The following EPB41L1 variants were observed in gnomAD, a reference collection of about 807,000 sequenced individuals.
The protein encoded by EPB41L1 is erythrocyte membrane protein band 4.1 like 1, also known as band 4.1-like protein 1.
In EPB41L1, 29 loss-of-function variants were observed where a neutral mutation model predicts 97.8. The ratio of observed to expected loss-of-function variants is 0.30; its 90% CI spans 0.22 to 0.40. The LOEUF is 0.40. Ranked by LOEUF, EPB41L1 falls within the 10% of genes least tolerant of loss-of-function variation. The pLI, the probability that EPB41L1 is intolerant of heterozygous loss-of-function variation, is 1.00. For missense variants in EPB41L1, 812 were observed against 1,162.3 expected (o/e 0.70, Z 4.38); for synonymous variants, 383 against 459.2 (o/e 0.83, Z 2.12).
chr20:36,225,425 TG>T (rs1177357915), intron 21 of EPB41L1, among the ~76,000 whole-genome samples: 1 of 152,206 alleles, frequency 6.6e-6, no homozygotes, highest in Non-Finnish European at 1.5e-5. Flanking sequence ...AAGACTGGAC[TG>T]GGACCTGGGA....
chr20:36,137,632 C>T (rs537896826), intron 2 of EPB41L1, among the ~76,000 whole-genome samples: 1 of 152,148 alleles, frequency 6.6e-6, no homozygotes, highest in Non-Finnish European at 1.5e-5. Context: ...TCAAGCGATT[C>T]TTCTGCCTCA....
chr20:36,116,325 T>TG (rs2058582680), intron 2 of EPB41L1, among the ~76,000 whole-genome samples: 1 of 150,754 alleles, frequency 6.6e-6, no homozygotes, highest in South Asian at 2.1e-4. Flanking sequence ...AGAGCTGAGT[T>TG]GGGGGTGAGG....
At chr20:36,197,130 G>A (rs2062245357) in intron 13 of EPB41L1, among the ~76,000 whole-genome samples, 1 of 152,236 alleles carries the variant, frequency 6.6e-6, no homozygotes, top group Non-Finnish European at 1.5e-5. Context: ...AAGGTATCTG[G>A]AAGGTCCAGG....
chr20:36,156,847 CT>C (rs1209278377), intron 1 of EPB41L1, among the ~76,000 whole-genome samples: 1 of 152,190 alleles, frequency 6.6e-6, no homozygotes, highest in Non-Finnish European at 1.5e-5. Flanking sequence ...AGTTTTCTGA[CT>C]TCAGGCTGTG....
intron 2 of EPB41L1, among the ~76,000 whole-genome samples, chr20:36,133,311 A>G (rs2059291809): frequency 2.0e-5 from 3 of 152,244 alleles, no homozygotes; most frequent in Non-Finnish European, 4.4e-5. Flanking sequence ...ACAAAGTAAG[A>G]GCTTGTGTTT....
chr20:36,188,668 A>G (rs1010611422), intron 9 of EPB41L1, among the ~76,000 whole-genome samples, 169 bp downstream of exon 9: 2 of 147,578 alleles, frequency 1.4e-5, no homozygotes, highest in African/African-American at 5.1e-5. Flanking sequence ...AGAGAGAGAG[A>G]GGAGTCTAAA....
intron 17 of EPB41L1, 35 bp from the exon 18 acceptor site, chr20:36,218,841 G>A (rs758576609): frequency 6.2e-7 from 1 of 1,607,830 alleles, no homozygotes; most frequent in South Asian, 1.1e-5. Flanking sequence ...CCACCCGGCT[G>A]AGAGCTGGCC....
At position 36,199,519 on chromosome 20, in the gene EPB41L1, T is replaced by G. The variant is rs2062381851; in HGVS notation, c.1668+1478T>G. On this transcript the variant is annotated intron_variant, in intron 14 of 21. Transcript: ENST00000338074. ...CCAGATAACAGACGGCTTTGTCTAG[T>G]AAGGCATAAGTCCAGAGAGAGCTAC... Among the ~76,000 whole-genome samples, 6 of 152,242 alleles carry G rather than the reference T, an allele frequency of 3.9e-5. No individual in the cohort carries two copies. The South Asian group carries it at 1.2e-3, about 32-fold the overall frequency.
At position 36,212,769 on chromosome 20, in the gene EPB41L1, G is replaced by A. The variant is rs552493490; in HGVS notation, c.2184+393G>A. Among the ~76,000 whole-genome samples the A allele has an allele frequency of 6.6e-6, 1 of 152,314 alleles. No homozygotes were observed. Among genetic ancestry groups the A allele is most frequent in the South Asian group, 2.1e-4 (1 of 4,824 alleles). On this transcript the variant is annotated intron_variant, in intron 16 of 21. Coordinates refer to ENST00000338074, the MANE Select transcript of EPB41L1 (RefSeq NM_012156.2). This position sits in a 1 kb window ranked among gnomAD's most constrained non-coding sequence, Gnocchi z 4.8. ...TCAGGGGCTGCTTGAGGAGAGAAGA[G>A]GGAGAGATCCCAATTCAGCTTCAGT...
intron 2 of EPB41L1, among the ~76,000 whole-genome samples, chr20:36,174,588 T>A (rs1051837752): frequency 1.1e-3 from 155 of 147,488 alleles, no homozygotes; most frequent in African/African-American, 3.7e-3. Context: ...TTTTTTTTTT[T>A]AACTTTCAGT....
chr20:36,097,029 C>G lies in EPB41L1; in HGVS notation c.-65+5417C>G, dbSNP rs186629119. 4.8e-4 allele frequency among the ~76,000 whole-genome samples: 73 copies of G among 152,358 alleles called. 2 individuals are homozygous for G. Among genetic ancestry groups the G allele is most frequent in the African/African-American group, 1.7e-3 (70 of 41,588 alleles). ...CGTGGGTCCAGGCCCATGCTGGGCTCTGCTCTAGTGGAGGCAGGAGGAGGC... is the reference window on the plus strand; with the variant it reads ...CGTGGGTCCAGGCCCATGCTGGGCTGTGCTCTAGTGGAGGCAGGAGGAGGC... On this transcript the variant is annotated intron_variant, in intron 1 of 19. Transcript: ENST00000202028.
intron 2 of EPB41L1, among the ~76,000 whole-genome samples, chr20:36,135,926 A>T (rs1403977878): frequency 6.6e-6 from 1 of 152,170 alleles, no homozygotes; most frequent in African/African-American, 2.4e-5. Context: ...CACCCTGGAA[A>T]TATAAATCCC....
rs546729651 is a variant in EPB41L1 at position 36,208,748 on chromosome 20, T to C, written c.1669-740T>C. ...CCTGACAGGCCAGTTGAGAGGTATGTATGTCGGACAAGAGTTGCTGGTTCC... is the reference window on the plus strand; with the variant it reads ...CCTGACAGGCCAGTTGAGAGGTATGCATGTCGGACAAGAGTTGCTGGTTCC... On this transcript the variant is annotated intron_variant, in intron 14 of 21. Coordinates refer to ENST00000338074, the MANE Select transcript of EPB41L1 (RefSeq NM_012156.2). 1.2e-4 allele frequency among the ~76,000 whole-genome samples: 19 copies of C among 152,308 alleles called. No homozygotes were observed. The South Asian group carries it at 3.9e-3, about 32-fold the overall frequency.
chr20:36,219,182 A>G (rs2063625680), intron 18 of EPB41L1, among the ~76,000 whole-genome samples: 2 of 152,190 alleles, frequency 1.3e-5, no homozygotes, highest in South Asian at 4.1e-4. Context: ...TAAGTGGGGC[A>G]TTGGTGACAT....
At chr20:36,145,167 A>G (rs1056688624) in intron 2 of EPB41L1, among the ~76,000 whole-genome samples, 1 of 152,040 alleles carries the variant, frequency 6.6e-6, no homozygotes, top group Non-Finnish European at 1.5e-5. Context: ...GGTGCGGTGG[A>G]TCACGAGGTC....
chr20:36,133,141 T>C (rs1322942086), intron 2 of EPB41L1, among the ~76,000 whole-genome samples: 1 of 152,280 alleles, frequency 6.6e-6, no homozygotes, highest in Non-Finnish European at 1.5e-5. Context: ...CCACTCTGGC[T>C]GTTAGCCCAG....
intron 17 of EPB41L1, among the ~76,000 whole-genome samples, chr20:36,217,621 T>C (rs1333456744): frequency 6.6e-6 from 1 of 152,098 alleles, no homozygotes; most frequent in African/African-American, 2.4e-5. Context: ...CCCAGAATGA[T>C]GCTAGGATTC....
chr20:36,226,703 A>G (rs1018425996), intron 21 of EPB41L1, among the ~76,000 whole-genome samples: 2 of 152,174 alleles, frequency 1.3e-5, no homozygotes, highest in Admixed American at 6.5e-5. Flanking sequence ...ATTAACTTGA[A>G]ATAGGCTAAC....
At chr20:36,211,513 C>T (rs2063132007) in intron 15 of EPB41L1, among the ~76,000 whole-genome samples, 1 of 152,182 alleles carries the variant, frequency 6.6e-6, no homozygotes, top group Non-Finnish European at 1.5e-5. Context: ...ATTGACATCT[C>T]CTGCCTGGAT....
Sources: allele counts gnomAD v4.1 joint callset (sites outside exome capture counted in the v4.1 genomes callset), GRCh38; gene constraint gnomAD v4.1.1; non-coding constraint Gnocchi (gnomAD v3.1); transcripts MANE v1.5; gene names NCBI Gene and HGNC (gene_info 2026-07-23, HGNC 2026-07-21).